Variants in NOP58 observed in about 807,000 individuals in gnomAD.
NOP58 encodes nucleolar protein 58.
In NOP58, 44 loss-of-function variants were observed where a neutral mutation model predicts 71.2. The ratio of observed to expected loss-of-function variants is 0.62; its 90% CI spans 0.49 to 0.79. The LOEUF (loss-of-function observed/expected upper bound fraction) is 0.79. Ranked by LOEUF, NOP58 falls within the 30% of genes least tolerant of loss-of-function variation. The pLI is 0.00. For synonymous variants in NOP58, 228 were observed against 200.3 expected, an observed-to-expected ratio of 1.14 and a Z score of -1.17; for missense variants, 538 against 620.2, an observed-to-expected ratio of 0.87 and a Z score of 1.41.
chr2:202,287,108 C>T (rs533744644), intron 5 of NOP58, among the ~76,000 whole-genome samples: 92 of 135,654 alleles, frequency 6.8e-4, no homozygotes, highest in African/African-American at 2.0e-3. Flanking sequence ...TGCTTTGTTG[C>T]CCAGGCTGGA....
chr2:202,300,861 C>T (rs1689079870), intron 13 of NOP58, among the ~76,000 whole-genome samples: 3 of 152,130 alleles, frequency 2.0e-5, no homozygotes, highest in Admixed American at 2.0e-4. Flanking sequence ...TAAGCAGGCG[C>T]CCCATTATTA....
intron 6 of NOP58, among the ~76,000 whole-genome samples, chr2:202,288,503 AT>A (rs1357667488): frequency 6.7e-6 from 1 of 150,292 alleles, no homozygotes; most frequent in Non-Finnish European, 1.5e-5. Flanking sequence ...AAAAAAAAAA[AT>A]CAAAATCTTA....
At chr2:202,274,050 A>G (rs1169779561) in intron 1 of NOP58, among the ~76,000 whole-genome samples, 1 of 152,074 alleles carries the variant, frequency 6.6e-6, no homozygotes. Flanking sequence ...GTTGATAAGT[A>G]TATTGTTGAT....
intron 3 of NOP58, among the ~76,000 whole-genome samples, chr2:202,280,505 T>TA (rs1041644474): frequency 6.6e-6 from 1 of 152,132 alleles, no homozygotes; most frequent in African/African-American, 2.4e-5. Context: ...CTAATTTTTG[T>TA]ATTTTTTAGT....
At position 202,295,654 on chromosome 2, in the gene NOP58, GTAA is replaced by G. The variant is rs1688976385; in HGVS notation, c.908-19_908-17del. The G allele has an allele frequency of 6.5e-7, 1 of 1,542,032 alleles. No individual in the cohort carries two copies. The highest frequency in any genetic ancestry group is 1.4e-5 in the African/African-American group (1 of 72,214). On this transcript the variant is annotated splice_polypyrimidine_tract_variant and intron_variant, in intron 9 of 14. Transcript: ENST00000264279. ...TCATATATTTGGAGGTGCATTCTTT[GTAA>G]CTTTTTTCTTTTGTAGGTTCTCTTT...
At chr2:202,290,740 G>A (rs977159964) in intron 7 of NOP58, among the ~76,000 whole-genome samples, 2 of 152,172 alleles carry the variant, frequency 1.3e-5, no homozygotes, top group East Asian at 1.9e-4. Context: ...TGTCGTTAAC[G>A]TACAGAGGAA....
At chr2:202,266,645 C>G (rs760056232) in intron 1 of NOP58, among the ~76,000 whole-genome samples, 2 of 152,158 alleles carry the variant, frequency 1.3e-5, no homozygotes, top group African/African-American at 2.4e-5. Context: ...GAGGAATGAC[C>G]TGCTAATTTG....
chr2:202,287,265 C>T lies in NOP58; in HGVS notation c.435-395C>T, dbSNP rs1185997416. ...TATATTTTTAGTAGAGACAGGGTTT[C>T]GCCATGTTGGCCAGGTTGGTCTCGA... is the stretch of plus-strand genomic sequence containing the variant. On this transcript the variant is annotated intron_variant, in intron 5 of 14. Transcript: ENST00000264279. Among the ~76,000 whole-genome samples the T allele has an allele frequency of 5.9e-5, 9 of 152,106 alleles. No individual in the cohort carries two copies. The South Asian group carries it at 1.7e-3, about 28-fold the overall frequency.
intron 10 of NOP58, 116 bp from the exon 11 acceptor site, chr2:202,297,263 G>T: frequency 1.1e-6 from 1 of 907,650 alleles, no homozygotes. Context: ...AAATACGATG[G>T]ATGATTTGAA....
chr2:202,292,097 G>A (rs1044243095), intron 8 of NOP58, among the ~76,000 whole-genome samples: 7 of 142,970 alleles, frequency 4.9e-5, no homozygotes, highest in African/African-American at 1.8e-4. Context: ...CAGTTCAAGC[G>A]GTTCTCCTGC....
Position 202,291,890 on chromosome 2 carries a change from A to AT in NOP58, c.780+629dup, listed in dbSNP as rs531474987. On this transcript the variant is annotated intron_variant, in intron 8 of 14. Coordinates refer to ENST00000264279, the MANE Select transcript of NOP58 (RefSeq NM_015934.5). ...CTGAGTCTTATGTCTATATCTTGTG[A>AT]TTTTTTTTTCTTTCAGATTTGAAGG... Among the ~76,000 whole-genome samples the AT allele has an allele frequency of 2.3e-3, 283 of 122,366 alleles. 2 individuals carry two copies. The highest frequency in any genetic ancestry group is 1.6e-3 in the Non-Finnish European group (96 of 60,044). 80.3% of individuals were successfully genotyped at this position (122,366 alleles called of 152,430 possible).
intron 1 of NOP58, among the ~76,000 whole-genome samples, chr2:202,274,387 C>G (rs576872738): frequency 6.9e-4 from 103 of 149,072 alleles, no homozygotes; most frequent in Middle Eastern, 3.4e-3. Flanking sequence ...CCACCACGCC[C>G]AGCTAATTTT....
intron 8 of NOP58, among the ~76,000 whole-genome samples, chr2:202,291,966 A>ATTTT (rs1203276429): frequency 3.7e-5 from 3 of 80,306 alleles, no homozygotes; most frequent in Non-Finnish European, 8.1e-5. Context: ...ATTGCTCAGA[A>ATTTT]TCTTTTTTTT....
At position 202,265,973 on chromosome 2, in the gene NOP58, A is replaced by G; in HGVS notation, c.32A>G (p.Tyr11Cys). The change falls in exon 1 of 15, where the codon TAC becomes TGC. Residue 11 changes from tyrosine to cysteine, a missense_variant. Physicochemically the swap from Tyr to Cys is radical, Grantham distance 194. Transcript: ENST00000264279. MLVLFETSVG[Y>C]AIFKVLNEKK... ...GTGCTGTTTGAAACGTCTGTGGGTTACGCCATCTTTAAGGTAGGTGGGAGA... is the reference window on the plus strand; with the variant it reads ...GTGCTGTTTGAAACGTCTGTGGGTTGCGCCATCTTTAAGGTAGGTGGGAGA... 1 of 1,614,148 alleles carries G rather than the reference A, an allele frequency of 6.2e-7. No homozygotes were observed. Among genetic ancestry groups the G allele is most frequent in the Non-Finnish European group, 8.5e-7 (1 of 1,180,018 alleles).
intron 1 of NOP58, among the ~76,000 whole-genome samples, chr2:202,269,314 G>A (rs1311775920): frequency 6.7e-6 from 1 of 149,864 alleles, no homozygotes; most frequent in Non-Finnish European, 1.5e-5. Context: ...TGGGATTACA[G>A]GCGTGAGCCA....
At position 202,282,460 on chromosome 2, in the gene NOP58, A is replaced by C; in HGVS notation, c.285A>C (p.Gly95=). The stretch of plus-strand genomic sequence containing the variant: ...TGGCAGTAGCTGATGCTAAACTAGG[A>C]GGGGTCATAAAGGTAAAGTCACGAT... The part of the protein sequence containing the change: ...EPLAVADAKL[G]GVIKEKLNLS... The change falls in exon 4 of 15, where the codon GGA becomes GGC. Residue 95 remains glycine, a synonymous_variant. Coordinates refer to ENST00000264279, the MANE Select transcript of NOP58 (RefSeq NM_015934.5). 2.5e-6 allele frequency: 4 copies of C among 1,609,508 alleles called. No individual in the cohort carries two copies. Among genetic ancestry groups the C allele is most frequent in the Non-Finnish European group, 3.4e-6 (4 of 1,179,014 alleles).
intron 12 of NOP58, 93 bp downstream of exon 12, chr2:202,297,999 C>A: frequency 1.3e-6 from 1 of 742,894 alleles, no homozygotes; most frequent in Non-Finnish European, 2.1e-6. Flanking sequence ...CTTGATGTGC[C>A]CATAGTTTTT....
At chr2:202,283,332 G>A (rs1688737016) in intron 4 of NOP58, among the ~76,000 whole-genome samples, 1 of 151,910 alleles carries the variant, frequency 6.6e-6, no homozygotes, top group Non-Finnish European at 1.5e-5. Context: ...CGGGTTCAAG[G>A]GATTCCCCTG....
At chr2:202,288,486 A>T (rs906342144) in intron 6 of NOP58, among the ~76,000 whole-genome samples, 1 of 120,220 alleles carries the variant, frequency 8.3e-6, no homozygotes, top group East Asian at 2.1e-4. Context: ...CCATCTCACT[A>T]AAAAAAAAAA....
Sources: allele counts gnomAD v4.1 joint callset (sites outside exome capture counted in the v4.1 genomes callset), GRCh38; gene constraint gnomAD v4.1.1; transcripts MANE v1.5; gene names NCBI Gene and HGNC (gene_info 2026-07-23, HGNC 2026-07-21).